The following PTK2 variants were observed in gnomAD, a reference collection of about 807,000 sequenced individuals.
PTK2 encodes the protein focal adhesion kinase 1.
In PTK2, 45 loss-of-function variants were observed where a neutral mutation model predicts 150.1. That is an observed-to-expected ratio of 0.30 (90% CI 0.24 to 0.38). The LOEUF (loss-of-function observed/expected upper bound fraction) is 0.38, where lower values mean the gene tolerates loss of function less well. Ranked by LOEUF, PTK2 falls within the 10% of genes least tolerant of loss-of-function variation. PTK2 has a pLI of 1.00. For synonymous variants in PTK2, 432 were observed against 449.2 expected (o/e 0.96, Z 0.48); for missense variants, 919 against 1,307.3 (o/e 0.70, Z 4.58).
At chr8:140,919,240 G>C (rs2100166476) in intron 2 of PTK2, among the ~76,000 whole-genome samples, 1 of 152,146 alleles carries the variant, frequency 6.6e-6, no homozygotes, top group African/African-American at 2.4e-5. Flanking sequence ...ATACGTGTGA[G>C]CTCTGTTCCC....
chr8:140,927,435 G>A (rs993241943), intron 1 of PTK2: 8 of 152,130 alleles, frequency 5.3e-5, no homozygotes, highest in Non-Finnish European at 8.8e-5. Flanking sequence ...GAAAACCACT[G>A]ATCAGGCTGT....
chr8:140,794,933 A>G (rs1301493181), intron 12 of PTK2, among the ~76,000 whole-genome samples: 1 of 152,166 alleles, frequency 6.6e-6, no homozygotes, highest in Non-Finnish European at 1.5e-5. Context: ...CTGATATTCA[A>G]AACTGAGTCC....
exon 32 of PTK2, chr8:140,659,195 C>T: frequency 2.1e-6 from 1 of 473,692 alleles, no homozygotes; most frequent in Non-Finnish European, 3.8e-6. Context: ...TGCTTAAAAG[C>T]TTACATATAA....
chr8:140,846,281 T>A lies in PTK2; in HGVS notation c.572A>T (p.Lys191Met). The change falls in exon 7 of 32, where the codon AAG (lysine) becomes ATG (methionine). Residue 191 changes from lysine (K) to methionine (M), a missense_variant. Around this residue, in one of 3 missense-constraint regions of PTK2, gnomAD observed 555 missense variants for 880.1 expected, o/e 0.63. Coordinates refer to ENST00000522684, the Ensembl canonical transcript of PTK2. ...TTACTCTAATACTTCATAGTTAGAC[T>A]TCTTTTCTAGTGCATTGCCCCGCAT... The A allele has an allele frequency of 6.2e-7, 1 of 1,612,360 alleles. No homozygotes were observed. The highest frequency in any genetic ancestry group is 8.5e-7 in the Non-Finnish European group (1 of 1,178,782).
chr8:140,734,944 G>C, intron 22 of PTK2: 1 of 446,700 alleles, frequency 2.2e-6, no homozygotes. Context: ...GGTTGTGTTA[G>C]ATGAGATTAG....
At chr8:140,983,350 C>A (rs2154609989) in intron 1 of PTK2, among the ~76,000 whole-genome samples, 1 of 132,720 alleles carries the variant, frequency 7.5e-6, no homozygotes, top group East Asian at 2.2e-4. Flanking sequence ...TCATGCACTT[C>A]AGCCTGGGCA....
At chr8:140,792,395 A>T (rs1419949563) in intron 13 of PTK2, among the ~76,000 whole-genome samples, 1 of 152,192 alleles carries the variant, frequency 6.6e-6, no homozygotes, top group Non-Finnish European at 1.5e-5. Context: ...GGGAATTCAG[A>T]GTGTCCTGTG....
intron 3 of PTK2, among the ~76,000 whole-genome samples, chr8:140,879,901 C>T (rs2100148213): frequency 6.6e-6 from 1 of 152,024 alleles, no homozygotes; most frequent in African/African-American, 2.4e-5. Flanking sequence ...GAGATTCTCT[C>T]CTTTCTTTAT....
chr8:140,890,635 G>T (rs774566361), exon 3 of PTK2: 2 of 1,613,938 alleles, frequency 1.2e-6, no homozygotes, highest in East Asian at 4.5e-5. Flanking sequence ...TTTAATACTC[G>T]CTCCATTGCA....
chr8:140,836,796 T>C (rs1268298797), intron 7 of PTK2, among the ~76,000 whole-genome samples: 5 of 152,038 alleles, frequency 3.3e-5, no homozygotes, highest in Admixed American at 6.5e-5. Flanking sequence ...TTCTCCATAG[T>C]GAAGAGAAAC....
At chr8:140,814,084 C>T (rs531969373) in intron 10 of PTK2, among the ~76,000 whole-genome samples, 1 of 152,144 alleles carries the variant, frequency 6.6e-6, no homozygotes, top group South Asian at 2.1e-4. Flanking sequence ...GGCATATAAA[C>T]CCTCCCAAGA....
chr8:140,733,272 G>A (rs1388750682), intron 22 of PTK2, among the ~76,000 whole-genome samples: 1 of 152,174 alleles, frequency 6.6e-6, no homozygotes, highest in Non-Finnish European at 1.5e-5. Context: ...CTTGCTTTCT[G>A]GATAAACATG....
chr8:140,888,426 T>C (rs1207282784), intron 3 of PTK2, among the ~76,000 whole-genome samples: 1 of 152,240 alleles, frequency 6.6e-6, no homozygotes, highest in Admixed American at 6.5e-5. Flanking sequence ...CAATGCCAAC[T>C]GTGATTTTTC....
intron 2 of PTK2, among the ~76,000 whole-genome samples, chr8:140,895,379 G>A (rs1336191788): frequency 6.6e-6 from 1 of 152,044 alleles, no homozygotes; most frequent in African/African-American, 2.4e-5. Context: ...AAAATCAGCT[G>A]GGCATGGTGG....
In PTK2 at chr8:140,699,808, G is replaced by GT. The variant is rs1012231066; in HGVS notation, c.2499+1082dup. On this transcript the variant is annotated intron_variant, in intron 26 of 31. Coordinates refer to ENST00000522684, the Ensembl canonical transcript of PTK2. Reference sequence around the variant, plus strand: ...AAAAGCAAATAACCCATTATTGCAAGTTTTTTTTTTTTCCTTAGGAGACAG... The same window carrying GT: ...AAAAGCAAATAACCCATTATTGCAAGTTTTTTTTTTTTTCCTTAGGAGACAG... 2.4e-3 allele frequency among the ~76,000 whole-genome samples: 358 copies of GT among 146,766 alleles called. 1 individual carries two copies. Among genetic ancestry groups the GT allele is most frequent in the African/African-American group, 5.4e-3 (217 of 40,312 alleles).
intron 1 of PTK2, among the ~76,000 whole-genome samples, chr8:140,979,370 T>A (rs1291751220): frequency 4.8e-5 from 6 of 124,628 alleles, no homozygotes; most frequent in South Asian, 2.5e-4. Flanking sequence ...AGGATTGCAA[T>A]CCACACATAG....
At chr8:140,896,165 CTG>C (rs2100156145) in intron 2 of PTK2, among the ~76,000 whole-genome samples, 1 of 152,174 alleles carries the variant, frequency 6.6e-6, no homozygotes, top group South Asian at 2.1e-4. Flanking sequence ...TGAAACTAGA[CTG>C]TTCTATTTAA....
At chr8:140,920,234 A>G (rs2100166903) in intron 2 of PTK2, among the ~76,000 whole-genome samples, 4 of 152,102 alleles carry the variant, frequency 2.6e-5, no homozygotes, top group African/African-American at 9.7e-5. Context: ...ACTTCTAAAT[A>G]TGTTTCCCAA....
intron 1 of PTK2, among the ~76,000 whole-genome samples, chr8:140,984,390 A>G (rs1416492408): frequency 6.6e-6 from 1 of 152,136 alleles, no homozygotes; most frequent in East Asian, 1.9e-4. Context: ...ACCAATGCCT[A>G]GCTACTCCAA....
Sources: allele counts gnomAD v4.1 joint callset (sites outside exome capture counted in the v4.1 genomes callset), GRCh38; gene constraint gnomAD v4.1.1; regional missense constraint gnomAD v4.1.1; transcripts MANE v1.5; gene names NCBI Gene and HGNC (gene_info 2026-07-23, HGNC 2026-07-21).